Variants in TMEFF2 observed in about 807,000 individuals in gnomAD.
TMEFF2 encodes the protein transmembrane protein with EGF like and two follistatin like domains 2.
In TMEFF2, 28 loss-of-function variants were observed where a neutral mutation model predicts 53.8. The observed-to-expected ratio is 0.52, with a 90% CI of 0.39 to 0.71. The LOEUF (loss-of-function observed/expected upper bound fraction) is 0.71, where lower values mean the gene tolerates loss of function less well. Among genes scored for constraint, TMEFF2 ranks in the 30% least tolerant of loss-of-function variants. TMEFF2 has a pLI of 0.00. For missense variants in TMEFF2, 353 were observed against 455.2 expected, an observed-to-expected ratio of 0.78 and a Z score of 2.04; for synonymous variants, 162 against 166.3, an observed-to-expected ratio of 0.97 and a Z score of 0.20.
intron 8 of TMEFF2, 84 bp downstream of exon 8, chr2:191,956,171 C>T (rs999305071): frequency 2.1e-6 from 3 of 1,424,940 alleles, no homozygotes; most frequent in East Asian, 2.5e-5. Flanking sequence ...AGAAGAATGT[C>T]TACCAATTTT....
intron 4 of TMEFF2, among the ~76,000 whole-genome samples, chr2:192,079,947 G>A (rs1688514996): frequency 6.6e-6 from 1 of 152,142 alleles, no homozygotes; most frequent in South Asian, 2.1e-4. Context: ...ATTATTTTTA[G>A]AACTGGTCTT....
At chr2:192,154,667 G>C (rs1474437725) in intron 4 of TMEFF2, among the ~76,000 whole-genome samples, 1 of 151,848 alleles carries the variant, frequency 6.6e-6, no homozygotes, top group Admixed American at 6.6e-5. Flanking sequence ...CTTATAGCAG[G>C]TACGTTCTTT....
At chr2:192,022,965 T>C (rs1686890069) in intron 5 of TMEFF2, among the ~76,000 whole-genome samples, 1 of 152,214 alleles carries the variant, frequency 6.6e-6, no homozygotes, top group Non-Finnish European at 1.5e-5. Flanking sequence ...CCTTTTGTTA[T>C]GAAGTATGGA....
At chr2:191,950,741 G>A (rs1216562246) in intron 9 of TMEFF2, among the ~76,000 whole-genome samples, 2 of 152,022 alleles carry the variant, frequency 1.3e-5, no homozygotes, top group African/African-American at 2.4e-5. Context: ...CACTTTAAAG[G>A]TCTTCAACAA....
intron 7 of TMEFF2, among the ~76,000 whole-genome samples, chr2:191,967,004 C>T (rs762029035): frequency 1.9e-4 from 28 of 149,360 alleles, no homozygotes; most frequent in Non-Finnish European, 2.5e-4. Flanking sequence ...GTAAAATTCT[C>T]GATGAAAACT....
intron 4 of TMEFF2, among the ~76,000 whole-genome samples, chr2:192,165,408 C>T (rs1175789152): frequency 6.6e-6 from 1 of 152,038 alleles, no homozygotes; most frequent in Non-Finnish European, 1.5e-5. Flanking sequence ...TAACATATGG[C>T]TATAAAATGC....
intron 4 of TMEFF2, among the ~76,000 whole-genome samples, chr2:192,139,272 A>G (rs1690081967): frequency 6.6e-6 from 1 of 152,260 alleles, no homozygotes; most frequent in Non-Finnish European, 1.5e-5. Flanking sequence ...ATGAGACTTT[A>G]AAAGTGATGA....
intron 4 of TMEFF2, among the ~76,000 whole-genome samples, chr2:192,138,893 T>A (rs1393118748): frequency 6.6e-6 from 1 of 152,068 alleles, no homozygotes; most frequent in African/African-American, 2.4e-5. Context: ...AATTTAAGAA[T>A]CAACAGCTAT....
At chr2:192,064,938 G>A (rs1000148690) in intron 4 of TMEFF2, among the ~76,000 whole-genome samples, 1 of 151,686 alleles carries the variant, frequency 6.6e-6, no homozygotes, top group Non-Finnish European at 1.5e-5. Context: ...GGGATTTTGA[G>A]GTCATCTGTA....
chr2:192,002,517 A>G (rs1357838063), intron 5 of TMEFF2, among the ~76,000 whole-genome samples: 2 of 151,656 alleles, frequency 1.3e-5, no homozygotes, highest in Admixed American at 6.6e-5. Context: ...AACTTCAAAG[A>G]TTTGCTAAAA....
intron 4 of TMEFF2, among the ~76,000 whole-genome samples, chr2:192,164,053 T>C (rs1052926625): frequency 5.3e-5 from 8 of 152,200 alleles, no homozygotes; most frequent in African/African-American, 9.6e-5. Context: ...TCTTTGCACC[T>C]ACTCTTGCCT....
intron 5 of TMEFF2, among the ~76,000 whole-genome samples, chr2:192,033,829 C>A (rs1352899537): frequency 6.6e-6 from 1 of 152,098 alleles, no homozygotes; most frequent in Non-Finnish European, 1.5e-5. Context: ...AGTGAGAATT[C>A]TCTAGTTAGT....
chr2:192,005,335 A>G (rs1251666709), intron 5 of TMEFF2, among the ~76,000 whole-genome samples: 1 of 152,172 alleles, frequency 6.6e-6, no homozygotes, highest in African/African-American at 2.4e-5. Context: ...TCTTCCAAGG[A>G]TGATCTGCAA....
At chr2:192,009,436 C>G (rs1277591337) in intron 5 of TMEFF2, among the ~76,000 whole-genome samples, 1 of 151,952 alleles carries the variant, frequency 6.6e-6, no homozygotes, top group Non-Finnish European at 1.5e-5. Context: ...CATGTTATTT[C>G]CCAATTGATG....
At chr2:192,037,273 T>TAAAAGAAAGAAAGAAAGAAAGAAAGAAAG (rs568551324) in intron 5 of TMEFF2, among the ~76,000 whole-genome samples, 2 of 94,736 alleles carry the variant, frequency 2.1e-5, no homozygotes, top group East Asian at 3.2e-4. Context: ...CTAGCCAAAA[T>TAAAAGAAAGAAAGAAAGAAAGAAAGAAAG]AAAGAAAGAA....
At chr2:192,000,958 A>G (rs1212830611) in intron 5 of TMEFF2, among the ~76,000 whole-genome samples, 1 of 152,172 alleles carries the variant, frequency 6.6e-6, no homozygotes, top group Non-Finnish European at 1.5e-5. Flanking sequence ...TTGCTACCTC[A>G]GCTGATTCTT....
intron 4 of TMEFF2, among the ~76,000 whole-genome samples, chr2:192,098,756 T>A (rs1353708331): frequency 6.6e-6 from 1 of 152,220 alleles, no homozygotes. Flanking sequence ...GCAGGATGGC[T>A]AAAAGCACAT....
At chr2:192,178,242 A>C (rs1159511560) in intron 4 of TMEFF2, 1 of 151,062 alleles carries the variant, frequency 6.6e-6, no homozygotes, top group Non-Finnish European at 1.5e-5. Flanking sequence ...TAAAAAATTA[A>C]TTGATTTCTT....
At chr2:192,074,632 A>G (rs185743537) in intron 4 of TMEFF2, among the ~76,000 whole-genome samples, 6 of 152,134 alleles carry the variant, frequency 3.9e-5, no homozygotes, top group Admixed American at 2.0e-4. Context: ...AAAATTAAAT[A>G]AAATTAAAAA....
Sources: allele counts gnomAD v4.1 joint callset (sites outside exome capture counted in the v4.1 genomes callset), GRCh38; gene constraint gnomAD v4.1.1; transcripts MANE v1.5; gene names NCBI Gene and HGNC (gene_info 2026-07-23, HGNC 2026-07-21).